Variants in GLYCTK observed in about 807,000 individuals in gnomAD.
GLYCTK encodes HBeAg binding protein 4.
A neutral mutation model predicts 24.8 loss-of-function variants in GLYCTK; 22 were observed. That is an observed-to-expected ratio of 0.89 (90% confidence interval 0.63 to 1.27). GLYCTK has a LOEUF of 1.27. GLYCTK is among the 50% of genes most tolerant of loss of function. The probability of loss-of-function intolerance (pLI) is 0.00; values close to 1 mark genes in which losing one functional copy is unlikely to be tolerated. For synonymous variants in GLYCTK, 320 were observed against 297.2 expected, an observed-to-expected ratio of 1.08 and a Z score of -0.79; for missense variants, 684 against 686.7, an observed-to-expected ratio of 1.00 and a Z score of 0.04.
At chr3:52,290,767 C>T (rs765241609) in intron 2 of GLYCTK, 48 bp downstream of exon 2, 6 of 1,599,372 alleles carry the variant, frequency 3.8e-6, no homozygotes, top group South Asian at 1.1e-5. Context: ...TGGAGGGAAA[C>T]CTGGGCCCAG....
rs750821385 is a variant in GLYCTK, at chr3:52,291,889, T to TG, written c.678dup (p.Leu227AlafsTer68). The TG allele has an allele frequency of 1.2e-6, 2 of 1,613,208 alleles. No homozygotes were observed. The highest frequency in any genetic ancestry group is 8.5e-7 in the Non-Finnish European group (1 of 1,179,862). On this transcript the variant is annotated frameshift_variant, in exon 4 of 5. Transcript: ENST00000436784. LOFTEE classifies it high-confidence loss of function. ...GGAAGGCCCTGTCCCAGCTCAAGGG[T>TG]GGGGGGCTGGCTCAGGCCGCCTACC...
chr3:52,292,572 G>C lies in GLYCTK; in HGVS notation c.1018G>C (p.Asp340His). The C allele has an allele frequency of 6.2e-7, 1 of 1,614,046 alleles. No individual in the cohort carries two copies. Among genetic ancestry groups the C allele is most frequent in the Non-Finnish European group, 8.5e-7 (1 of 1,180,020 alleles). Reference protein sequence around the residue: ...AVVLSAAMQGDVKSMAQFYGL... With the variant: ...AVVLSAAMQGHVKSMAQFYGL... ...GGTGCTGAGTGCAGCCATGCAAGGT[G>C]ATGTAAAAAGTATGGCCCAGTTCTA... The change falls in exon 5 of 5, where the codon GAT becomes CAT. Residue 340 changes from aspartate (D) to histidine (H), a missense_variant. Transcript: ENST00000436784.
At position 52,292,244 on chromosome 3, in the gene GLYCTK, G is replaced by A. The variant is rs989530824; in HGVS notation, c.706-16G>A. 6.2e-7 allele frequency: 1 copy of A among 1,613,696 alleles called. No individual in the cohort carries two copies. The highest frequency in any genetic ancestry group is 8.5e-7 in the Non-Finnish European group (1 of 1,179,906). On this transcript the variant is annotated splice_polypyrimidine_tract_variant and intron_variant, in intron 4 of 4. Transcript: ENST00000436784. Reference sequence around the variant, plus strand: ...GAGGAAGTGGGCCTGAGCCTTGTCTGGTGGCCCTTCCCCAGGTGGTGAGCC... The same window carrying A: ...GAGGAAGTGGGCCTGAGCCTTGTCTAGTGGCCCTTCCCCAGGTGGTGAGCC...
In GLYCTK at chr3:52,294,975, C is replaced by G; in HGVS notation, c.*1849C>G. ...TGACTCCCTGCATCCCTGCTGAGGG[C>G]TTTGGGTATGGATAGGATCTTGCAG... On this transcript the variant is annotated 3_prime_UTR_variant, in exon 5 of 5. Transcript: ENST00000436784. 1 of 454,056 alleles carries G rather than the reference C, an allele frequency of 2.2e-6. No individual in the cohort carries two copies. The highest frequency in any genetic ancestry group is 2.3e-5 in the Admixed American group (1 of 42,582). The allele number at this position is 454,056 out of a possible 1,614,324, so 28.1% of individuals were successfully genotyped here.
Position 52,287,886 on chromosome 3 carries a change from C to T in GLYCTK, c.-40+10C>T, listed in dbSNP as rs1448556880. ...CCGGAGCTGTGGGCTGGTAAGTCTG[C>T]GCCGCCAGGGCTCGCATGGCCTTCA... On this transcript the variant is annotated intron_variant, in intron 1 of 4. Transcript: ENST00000436784. The T allele has an allele frequency of 4.5e-6, 2 of 449,014 alleles. No homozygotes were observed. Among genetic ancestry groups the T allele is most frequent in the Non-Finnish European group, 8.9e-6 (2 of 223,660 alleles). 27.8% of individuals were successfully genotyped at this position (449,014 alleles called of 1,614,324 possible). A position where few individuals can be genotyped will look rare whatever the true frequency, so the allele number is the denominator to read the frequency against.
Position 52,292,544 on chromosome 3 carries a change from T to C in GLYCTK, c.990T>C (p.Ala330=), listed in dbSNP as rs1700513609. 6.2e-7 allele frequency: 1 copy of C among 1,613,972 alleles called. No homozygotes were observed. Among genetic ancestry groups the C allele is most frequent in the African/African-American group, 1.3e-5 (1 of 75,068 alleles). The change falls in exon 5 of 5, where the codon GCT becomes GCC. Residue 330 remains alanine, a synonymous_variant. Coordinates refer to ENST00000436784, the MANE Select transcript of GLYCTK (RefSeq NM_145262.4). ...QRQAEALGYQ[A]VVLSAAMQGD... ...AGGCCGAGGCACTGGGCTACCAGGC[T>C]GTGGTGCTGAGTGCAGCCATGCAAG... is the stretch of plus-strand genomic sequence containing the variant.
chr3:52,288,382 G>A (rs1700355010), intron 1 of GLYCTK, among the ~76,000 whole-genome samples: 1 of 152,008 alleles, frequency 6.6e-6, no homozygotes, highest in Non-Finnish European at 1.5e-5. Flanking sequence ...GCTAATTTTT[G>A]TATTTTTAGA....
chr3:52,292,651 C>T lies in GLYCTK; in HGVS notation c.1097C>T (p.Ala366Val), dbSNP rs1261198697. ...CGCCTCACCCCATCCATGGCTGGGG[C>T]TTCTGTGGAGGAAGATGCACAGCTC... ...RTRLTPSMAG[A>V]SVEEDAQLHE... The change falls in exon 5 of 5, where the codon GCT (alanine) becomes GTT (valine). Residue 366 changes from alanine to valine, a missense_variant. Physicochemically the swap from Ala to Val is moderately conservative, Grantham distance 64. Coordinates refer to ENST00000436784, the MANE Select transcript of GLYCTK (RefSeq NM_145262.4). 1.9e-6 allele frequency: 3 copies of T among 1,606,538 alleles called. No individual in the cohort carries two copies. In the East Asian group the frequency reaches 6.7e-5, roughly 36 times the overall value.
intron 3 of GLYCTK, 35 bp downstream of exon 3, chr3:52,291,146 G>A (rs1307823603): frequency 5.0e-6 from 8 of 1,601,186 alleles, no homozygotes; most frequent in Non-Finnish European, 6.8e-6. Context: ...CTGTTGGTGG[G>A]GGGTGCACCA....
chr3:52,288,739 C>G (rs192908938), intron 1 of GLYCTK: 2 of 152,206 alleles, frequency 1.3e-5, no homozygotes, highest in East Asian at 1.9e-4. Context: ...GAAATAGATA[C>G]AAATTTCATC....
rs1445390338 is a variant in GLYCTK at position 52,292,738 on chromosome 3, T to C, written c.1184T>C (p.Met395Thr). Residue 395 changes from methionine (M) to threonine (T), a missense_variant, in exon 5 of 5, where the codon ATG becomes ACG. Transcript: ENST00000436784. The part of the protein sequence containing the change: ...DLQLEEALET[M>T]AWGRGPVCLL... ...CAGCTGGAGGAGGCTCTGGAGACCA[T>C]GGCATGGGGAAGGGGCCCAGTCTGC... 5.0e-6 allele frequency: 8 copies of C among 1,608,526 alleles called. No individual in the cohort carries two copies. Among genetic ancestry groups the C allele is most frequent in the African/African-American group, 2.7e-5 (2 of 74,868 alleles).
In GLYCTK at chr3:52,294,044, G is replaced by A; in HGVS notation, c.*918G>A. 2.3e-6 allele frequency: 1 copy of A among 443,456 alleles called. No individual in the cohort carries two copies. 27.5% of individuals were successfully genotyped at this position (443,456 alleles called of 1,614,324 possible). On this transcript the variant is annotated 3_prime_UTR_variant, in exon 5 of 5. Transcript: ENST00000436784. The stretch of plus-strand genomic sequence containing the variant: ...AGCACTGGGATGGTGGGTCCAGCCA[G>A]TGATGAGGTCCAGTGACCCACACCT...
chr3:52,291,325 C>T (rs1438393878), intron 3 of GLYCTK: 17 of 619,856 alleles, frequency 2.7e-5, no homozygotes, highest in East Asian at 5.5e-5. Flanking sequence ...CTGACCTTTT[C>T]GGTGACAGTG....
At position 52,287,861 on chromosome 3, in the gene GLYCTK, C is replaced by T; in HGVS notation, c.-55C>T. Reference sequence around the variant, plus strand: ...CGTTCTCCAGCGCTGGGCACCGCGGCCGGAGCTGTGGGCTGGTAAGTCTGC... The same window carrying T: ...CGTTCTCCAGCGCTGGGCACCGCGGTCGGAGCTGTGGGCTGGTAAGTCTGC... On this transcript the variant is annotated 5_prime_UTR_variant, in exon 1 of 5. Coordinates refer to ENST00000436784, the MANE Select transcript of GLYCTK (RefSeq NM_145262.4). 2.2e-6 allele frequency: 1 copy of T among 452,586 alleles called. No individual in the cohort carries two copies. Among genetic ancestry groups the T allele is most frequent in the Non-Finnish European group, 4.4e-6 (1 of 225,894 alleles). 28.0% of individuals were successfully genotyped at this position (452,586 alleles called of 1,614,324 possible). A position where few individuals can be genotyped will look rare whatever the true frequency, so the allele number is the denominator to read the frequency against.
rs985746008 is a variant in GLYCTK at position 52,292,525 on chromosome 3, A to G, written c.971A>G (p.Glu324Gly). 1 of 1,613,840 alleles carries G rather than the reference A, an allele frequency of 6.2e-7. No homozygotes were observed. The highest frequency in any genetic ancestry group is 1.7e-5 in the Admixed American group (1 of 60,024). ...CTAGCTGAGGCCCAGCGGCAGGCCG[A>G]GGCACTGGGCTACCAGGCTGTGGTG... Reference protein sequence around the residue: ...LALAEAQRQAEALGYQAVVLS... With the variant: ...LALAEAQRQAGALGYQAVVLS... The change falls in exon 5 of 5, where the codon GAG becomes GGG. Residue 324 changes from glutamate to glycine, a missense_variant. By Grantham distance (98) the Glu-to-Gly change is moderately conservative (BLOSUM62 -2). Coordinates refer to ENST00000436784, the MANE Select transcript of GLYCTK (RefSeq NM_145262.4).
At position 52,293,438 on chromosome 3, in the gene GLYCTK, G is replaced by A. The variant is rs1013519673; in HGVS notation, c.*312G>A. The A allele has an allele frequency of 3.3e-6, 2 of 598,364 alleles. No individual in the cohort carries two copies. Among genetic ancestry groups the A allele is most frequent in the African/African-American group, 1.8e-5 (1 of 54,934 alleles). 37.1% of individuals were successfully genotyped at this position (598,364 alleles called of 1,614,324 possible). On this transcript the variant is annotated 3_prime_UTR_variant, in exon 5 of 5. Coordinates refer to ENST00000436784, the MANE Select transcript of GLYCTK (RefSeq NM_145262.4). Reference sequence around the variant, plus strand: ...CCCTCACCCTGTTTCTTTCTGTGAAGCGAGAATGTCTGAAAATAAATAGGA... The same window carrying A: ...CCCTCACCCTGTTTCTTTCTGTGAAACGAGAATGTCTGAAAATAAATAGGA...
In GLYCTK at chr3:52,294,680, C is replaced by T. The variant is rs149500498; in HGVS notation, c.*1554C>T. ...TGGTGATCCTCGCATGATCCTGTGCCGTGGTGCTCCTCTGGCAGCGTCTAC... is the reference window on the plus strand; with the variant it reads ...TGGTGATCCTCGCATGATCCTGTGCTGTGGTGCTCCTCTGGCAGCGTCTAC... On this transcript the variant is annotated 3_prime_UTR_variant, in exon 5 of 5. Coordinates refer to ENST00000436784, the MANE Select transcript of GLYCTK (RefSeq NM_145262.4). 2.9e-5 allele frequency: 13 copies of T among 441,732 alleles called. No homozygotes were observed. The highest frequency in any genetic ancestry group is 1.2e-4 in the African/African-American group (6 of 49,836). The allele number at this position is 441,732 out of a possible 1,614,324, so 27.4% of individuals were successfully genotyped here.
chr3:52,290,907 T>C, intron 2 of GLYCTK, 53 bp from the exon 3 acceptor site: 1 of 1,610,946 alleles, frequency 6.2e-7, no homozygotes, highest in Non-Finnish European at 8.5e-7. Flanking sequence ...AGAGATCAGG[T>C]GGGAGGAGAG....
intron 1 of GLYCTK, chr3:52,288,116 T>G: frequency 5.5e-6 from 1 of 180,268 alleles, no homozygotes; most frequent in South Asian, 6.7e-5. Flanking sequence ...CCGGTAGTCT[T>G]CCTATTTCCG....
Sources: gnomAD v4.1 joint callset for allele counts (sites outside exome capture counted in the v4.1 genomes callset) on GRCh38, gnomAD v4.1.1 for gene constraint, MANE v1.5 for transcripts, NCBI Gene and HGNC (gene_info 2026-07-23, HGNC 2026-07-21) for gene names.